The following AK9 variants were observed in gnomAD, a reference collection of about 807,000 sequenced individuals.
The protein encoded by AK9 is adenylate kinase 9, also known as adenylate kinase domain containing 1.
Under a neutral mutation model 239.6 loss-of-function variants are expected in AK9, and 191 were observed. The ratio of observed to expected loss-of-function variants is 0.80; its 90% CI spans 0.71 to 0.90. The LOEUF (loss-of-function observed/expected upper bound fraction) is 0.90. Among genes scored for constraint, AK9 ranks in the 40% least tolerant of loss-of-function variants. The pLI, the probability that AK9 is intolerant of heterozygous loss-of-function variation, is 0.00. For missense variants in AK9, 1,995 were observed against 2,214.7 expected, an observed-to-expected ratio of 0.90 and a Z score of 1.99; for synonymous variants, 689 against 721.0, an observed-to-expected ratio of 0.96 and a Z score of 0.71.
At chr6:109,543,082 TA>T (rs1783099444) in intron 26 of AK9, among the ~76,000 whole-genome samples, 1 of 152,180 alleles carries the variant, frequency 6.6e-6, no homozygotes, top group Non-Finnish European at 1.5e-5. Flanking sequence ...AAATACAAAC[TA>T]GAAGAGGATT....
intron 17 of AK9, among the ~76,000 whole-genome samples, chr6:109,601,448 G>A (rs564408755): frequency 3.0e-4 from 46 of 152,274 alleles, no homozygotes; most frequent in Non-Finnish European, 5.4e-4. Context: ...GAGACAGTTT[G>A]TTATATTTCT....
chr6:109,563,694 G>A lies in AK9; in HGVS notation c.2654C>T (p.Ala885Val). Residue 885 changes from alanine (A) to valine (V), a missense_variant, in exon 24 of 41, where the codon GCA becomes GTA. Around this residue, in one of 5 missense-constraint regions of AK9, gnomAD observed 1,290 missense variants for 1,392.7 expected, o/e 0.93. Transcript: ENST00000424296. ...ATAATCTTCCCCAGTTAACTCCCAT[G>A]CAGTATATTGAAATGGTTCTGGAGA... ...ETMEKPFQYT[A>V]WELTGEDYEE... 1 of 1,550,346 alleles carries A rather than the reference G, an allele frequency of 6.5e-7. No homozygotes were observed. Among genetic ancestry groups the A allele is most frequent in the African/African-American group, 1.4e-5 (1 of 73,118 alleles).
Position 109,545,876 on chromosome 6 carries a change from T to G in AK9, c.3216A>C (p.Thr1072=), listed in dbSNP as rs1299521301. 2 of 1,590,364 alleles carry G rather than the reference T, an allele frequency of 1.3e-6. No individual in the cohort carries two copies. Among genetic ancestry groups the G allele is most frequent in the Non-Finnish European group, 1.7e-6 (2 of 1,173,324 alleles). The part of the protein sequence containing the change: ...QANVKVEEEN[T]KKQLPEVQLT... The stretch of plus-strand genomic sequence containing the variant: ...AAAAAGAGATTACTACCTGCTTTTT[T>G]GTATTTTCTTCCTCAACTTTGACAT... Residue 1072 remains threonine (T), a synonymous_variant, in exon 26 of 41, where the codon ACA becomes ACC. Transcript: ENST00000424296.
Position 109,659,354 on chromosome 6 carries a change from T to A in AK9, c.504A>T (p.Gly168=). 1 of 1,612,408 alleles carries A rather than the reference T, an allele frequency of 6.2e-7. No homozygotes were observed. The highest frequency in any genetic ancestry group is 8.5e-7 in the Non-Finnish European group (1 of 1,179,668). The part of the protein sequence containing the change: ...ISGQRQHNNT[G]YIYSRDQWDP... ...CCCACTGGTCTCTACTGTATATGTA[T>A]CCCGTATTATTGTGCTGTCTTTGCC... The change falls in exon 7 of 41, where the codon GGA becomes GGT. Residue 168 remains glycine (G), a synonymous_variant. Transcript: ENST00000424296.
At chr6:109,521,481 C>T (rs549073829) in intron 29 of AK9, among the ~76,000 whole-genome samples, 220 of 152,168 alleles carry the variant, frequency 1.4e-3, no homozygotes, top group African/African-American at 5.2e-3. Flanking sequence ...CTTACTCTTC[C>T]TTCCAAGTCT....
chr6:109,544,031 A>T (rs1783214544), intron 26 of AK9, among the ~76,000 whole-genome samples: 1 of 152,040 alleles, frequency 6.6e-6, no homozygotes, highest in African/African-American at 2.4e-5. Context: ...AGGTGAGAGG[A>T]TCGCTTGAGC....
intron 33 of AK9, among the ~76,000 whole-genome samples, chr6:109,507,415 G>A (rs534326743): frequency 7.9e-5 from 12 of 152,242 alleles, no homozygotes; most frequent in African/African-American, 2.9e-4. Context: ...GAGTGCAGCT[G>A]GGGGAGAGTT....
In AK9 at chr6:109,633,064, T is replaced by C; in HGVS notation, c.1113A>G (p.Ala371=). ...GTGGGTTCAACAAAAATGGTTTTAA[T>C]GCTTCTTCTGATGAAAGACAGTAGA... The part of the protein sequence containing the change: ...GKIYCLSSEE[A]LKPFLLNPRP... Residue 371 remains alanine, a synonymous_variant, in exon 12 of 41, where the codon GCA becomes GCG. Transcript: ENST00000424296. The C allele has an allele frequency of 6.4e-7, 1 of 1,556,512 alleles. No individual in the cohort carries two copies. Among genetic ancestry groups the C allele is most frequent in the Non-Finnish European group, 8.6e-7 (1 of 1,159,524 alleles).
rs9386812 is a variant in AK9 at position 109,542,035 on chromosome 6, A to C, written c.3350+12T>G. 984,952 of 1,545,922 alleles carry C rather than the reference A, an allele frequency of 0.64. 320,336 individuals carry two copies. Among genetic ancestry groups the C allele is most frequent in the East Asian group, 0.85 (37,409 of 44,118 alleles). On this transcript the variant is annotated intron_variant, in intron 27 of 40. Coordinates refer to ENST00000424296, the MANE Select transcript of AK9 (RefSeq NM_001145128.3). ...AGCAAATAAATGTACAATTCTATATAAATTAAGATACCGTATTGGTTCCTT... is the reference window on the plus strand; with the variant it reads ...AGCAAATAAATGTACAATTCTATATCAATTAAGATACCGTATTGGTTCCTT...
intron 29 of AK9, among the ~76,000 whole-genome samples, chr6:109,525,499 C>G (rs377604355): frequency 6.6e-6 from 1 of 152,076 alleles, no homozygotes; most frequent in African/African-American, 2.4e-5. Flanking sequence ...AAAATGGGCA[C>G]AAGACATAAA....
intron 29 of AK9, among the ~76,000 whole-genome samples, chr6:109,527,366 A>T (rs1780656772): frequency 6.6e-6 from 1 of 152,212 alleles, no homozygotes; most frequent in East Asian, 1.9e-4. Context: ...TTCCCCAGTT[A>T]GTCTGAAAAA....
intron 1 of AK9, among the ~76,000 whole-genome samples, chr6:109,689,947 C>G (rs1053508823): frequency 2.0e-5 from 3 of 152,160 alleles, no homozygotes; most frequent in African/African-American, 7.2e-5. Context: ...AATGCCAGAA[C>G]GGACACGGCC....
intron 1 of AK9, among the ~76,000 whole-genome samples, chr6:109,682,453 T>C (rs1396619200): frequency 8.5e-6 from 1 of 117,462 alleles, no homozygotes; most frequent in Non-Finnish European, 1.9e-5. Context: ...AATCAATGAA[T>C]CCAGGAGCTG....
At chr6:109,592,795 A>AT (rs71018352) in intron 17 of AK9, among the ~76,000 whole-genome samples, 88,150 of 151,164 alleles carry the variant, frequency 0.58, 27,364 homozygotes, top group East Asian at 0.84. Flanking sequence ...TGATTTTAGG[A>AT]TTTTTTTCCC....
At chr6:109,576,617 T>C (rs953968524) in intron 20 of AK9, among the ~76,000 whole-genome samples, 13 of 151,900 alleles carry the variant, frequency 8.6e-5, no homozygotes, top group African/African-American at 2.9e-4. Context: ...TATATGATCA[T>C]ATCATCAATG....
intron 24 of AK9, among the ~76,000 whole-genome samples, chr6:109,552,686 G>T (rs994917377): frequency 2.6e-5 from 4 of 152,120 alleles, no homozygotes; most frequent in Admixed American, 1.3e-4. Flanking sequence ...TTCTTTTGCT[G>T]TGCAGAAGCT....
chr6:109,493,516 C>G lies in AK9; in HGVS notation c.5589G>C (p.Glu1863Asp). 1 of 1,614,118 alleles carries G rather than the reference C, an allele frequency of 6.2e-7. No individual in the cohort carries two copies. The highest frequency in any genetic ancestry group is 8.5e-7 in the Non-Finnish European group (1 of 1,180,016). ...YTRKKYKKKM[E>D]QFMESCELIT... ...TGAGTTCACAACTCTCCATAAACTG[C>G]TCCATCTTCTTCTTATACTTTTTTC... Residue 1863 changes from glutamate to aspartate, a missense_variant, in exon 41 of 41, where the codon GAG becomes GAC. Physicochemically the swap from Glu to Asp is conservative, Grantham distance 45. This residue lies in a region of AK9 where 391 missense variants were observed against 456.0 expected (regional missense o/e 0.86). Transcript: ENST00000424296.
chr6:109,497,823 G>A lies in AK9; in HGVS notation c.5189C>T (p.Pro1730Leu). ...TTGGTTTCCATCCTTATAGGTCACTGGACAGTAGCCCTGGAGCTCCGCACA... is the reference window on the plus strand; with the variant it reads ...TTGGTTTCCATCCTTATAGGTCACTAGACAGTAGCCCTGGAGCTCCGCACA... The part of the protein sequence containing the change: ...PKCAELQGYC[P>L]VTYKDGNQRY... Residue 1730 changes from proline to leucine, a missense_variant, in exon 37 of 41, where the codon CCA (proline) becomes CTA (leucine). Physicochemically the swap from Pro to Leu is moderately conservative, Grantham distance 98. Around this residue, in one of 5 missense-constraint regions of AK9, gnomAD observed 391 missense variants for 456.0 expected, o/e 0.86. Coordinates refer to ENST00000424296, the MANE Select transcript of AK9 (RefSeq NM_001145128.3). The A allele has an allele frequency of 1.2e-6, 2 of 1,613,864 alleles. No individual in the cohort carries two copies. The highest frequency in any genetic ancestry group is 1.1e-5 in the South Asian group (1 of 91,068).
At chr6:109,620,462 G>T (rs141240206) in intron 12 of AK9, among the ~76,000 whole-genome samples, 1 of 151,970 alleles carries the variant, frequency 6.6e-6, no homozygotes. Flanking sequence ...CATATGTTCA[G>T]CTTTTGCCTA....
Sources: gnomAD v4.1 joint callset for allele counts (sites outside exome capture counted in the v4.1 genomes callset) on GRCh38, gnomAD v4.1.1 for gene constraint, gnomAD v4.1.1 regional missense constraint, MANE v1.5 for transcripts, NCBI Gene and HGNC (gene_info 2026-07-23, HGNC 2026-07-21) for gene names.